Variants in NFIB observed in about 807,000 individuals in gnomAD.
NFIB encodes nuclear factor I B, also known as nuclear factor 1 B-type.
In NFIB, 11 loss-of-function variants were observed where a neutral mutation model predicts 61.5. The observed-to-expected ratio is 0.18, with a 90% CI of 0.11 to 0.30. The LOEUF (loss-of-function observed/expected upper bound fraction) is 0.30. Ranked by LOEUF, NFIB falls within the 10% of genes least tolerant of loss-of-function variation. The pLI is 1.00. For missense variants in NFIB, 471 were observed against 608.9 expected (o/e 0.77, Z 2.38); for synonymous variants, 260 against 216.5 (o/e 1.20, Z -1.76).
chr9:14,345,596 G>A (rs376868757), intron 1 of NFIB, among the ~76,000 whole-genome samples: 68 of 152,304 alleles, frequency 4.5e-4, no homozygotes, highest in South Asian at 8.3e-4. Context: ...AATCAGAGCC[G>A]TGCTTCTGCG....
intron 8 of NFIB, among the ~76,000 whole-genome samples, chr9:14,118,933 TA>T (rs2119129444): frequency 6.6e-6 from 1 of 152,062 alleles, no homozygotes; most frequent in South Asian, 2.1e-4. Context: ...ACTGAATAAT[TA>T]AAGAAATGTG....
chr9:14,379,265 G>C (rs547345919), intron 1 of NFIB, among the ~76,000 whole-genome samples: 1 of 152,320 alleles, frequency 6.6e-6, no homozygotes, highest in East Asian at 1.9e-4. Context: ...TTTAGGGAAG[G>C]ATAAAGGAAG....
chr9:14,286,640 A>T (rs576302966), intron 2 of NFIB, among the ~76,000 whole-genome samples: 3 of 152,332 alleles, frequency 2.0e-5, no homozygotes, highest in African/African-American at 7.2e-5. Flanking sequence ...AAGAAAAAAG[A>T]ACAACAAAAA....
Position 14,231,134 on chromosome 9 carries a change from AAATATATAT to A in NFIB, c.563-51363_563-51355del, listed in dbSNP as rs1158937324. 9.1e-4 allele frequency among the ~76,000 whole-genome samples: 67 copies of A among 73,992 alleles called. No individual in the cohort carries two copies. In the South Asian group the frequency reaches 0.011, roughly 12 times the overall value. 48.5% of individuals were successfully genotyped at this position (73,992 alleles called of 152,430 possible). A position where few individuals can be genotyped will look rare whatever the true frequency, so the allele number is the denominator to read the frequency against. ...TTTTCCATGGGGAAAAAAAAAAAAA[AAATATATAT>A]ATATATATATATATATATATATATT... On this transcript the variant is annotated intron_variant, in intron 2 of 10. Transcript: ENST00000380953.
At chr9:14,169,885 G>A (rs533798064) in intron 3 of NFIB, among the ~76,000 whole-genome samples, 27 of 152,268 alleles carry the variant, frequency 1.8e-4, no homozygotes, top group African/African-American at 6.0e-4. Flanking sequence ...ACCTAGATAC[G>A]CTTTCATAGT....
the NFIB span, among the ~76,000 whole-genome samples, chr9:14,451,088 T>A: frequency 6.6e-6 from 1 of 152,322 alleles, no homozygotes; most frequent in East Asian, 1.9e-4. Flanking sequence ...TGAATCCAGG[T>A]CTGCTCTAGC....
intron 2 of NFIB, among the ~76,000 whole-genome samples, chr9:14,234,356 G>T (rs2053520318): frequency 6.8e-6 from 1 of 147,552 alleles, no homozygotes; most frequent in Non-Finnish European, 1.5e-5. Flanking sequence ...GAGGCATGTA[G>T]GTATATTATC....
intron 2 of NFIB, among the ~76,000 whole-genome samples, chr9:14,257,518 G>A (rs145353245): frequency 3.5e-3 from 530 of 152,288 alleles, no homozygotes; most frequent in Non-Finnish European, 5.3e-3. Context: ...CACTTTGGGA[G>A]GCCAAGGTGG....
intron 2 of NFIB, among the ~76,000 whole-genome samples, chr9:14,273,716 T>C (rs2057787454): frequency 6.6e-6 from 1 of 152,216 alleles, no homozygotes; most frequent in African/African-American, 2.4e-5. Flanking sequence ...TTCCAGATCA[T>C]ACACAGTACA....
chr9:14,344,418 G>T (rs530225357), intron 1 of NFIB, among the ~76,000 whole-genome samples: 3 of 151,658 alleles, frequency 2.0e-5, no homozygotes, highest in East Asian at 1.9e-4. Context: ...AGAAGGGGGG[G>T]GTAGAGGGAG....
At chr9:14,268,560 C>G (rs1271549644) in intron 2 of NFIB, among the ~76,000 whole-genome samples, 1 of 152,182 alleles carries the variant, frequency 6.6e-6, no homozygotes, top group African/African-American at 2.4e-5. Flanking sequence ...TCTAACAAAA[C>G]GGTGCTCATC....
rs142655457 is a variant in NFIB at position 14,112,473 on chromosome 9, T to C, written c.1467+526A>G. On this transcript the variant is annotated intron_variant, in intron 10 of 10. Coordinates refer to ENST00000380953, the MANE Select transcript of NFIB (RefSeq NM_001190737.2). Reference sequence around the variant, plus strand: ...AAAGCAGAACCAAAAAAAAGTGTTTTATCACATCTGAAATCAGTAAACCAA... The same window carrying C: ...AAAGCAGAACCAAAAAAAAGTGTTTCATCACATCTGAAATCAGTAAACCAA... 9.2e-5 allele frequency among the ~76,000 whole-genome samples: 14 copies of C among 152,348 alleles called. No homozygotes were observed. The East Asian group carries it at 2.7e-3, about 29-fold the overall frequency.
the NFIB span, among the ~76,000 whole-genome samples, chr9:14,490,708 C>T: frequency 6.6e-6 from 1 of 152,280 alleles, no homozygotes; most frequent in Admixed American, 6.5e-5. Flanking sequence ...ATCTCAATTT[C>T]ATCAGCATTT....
chr9:14,358,440 T>C (rs774284616), intron 1 of NFIB, among the ~76,000 whole-genome samples: 6 of 152,178 alleles, frequency 3.9e-5, no homozygotes, highest in South Asian at 2.1e-4. Context: ...TTTTTTTCCA[T>C]AGGAGGAGAG....
intron 10 of NFIB, among the ~76,000 whole-genome samples, chr9:14,097,900 C>T: frequency 1.2e-5 from 1 of 82,160 alleles, no homozygotes; most frequent in South Asian, 4.9e-4. Context: ...TTTTGCCCTC[C>T]CTCTCCTGAC....
chr9:14,205,222 G>GA, intron 2 of NFIB, among the ~76,000 whole-genome samples: 1 of 62,286 alleles, frequency 1.6e-5, no homozygotes, highest in Non-Finnish European at 5.0e-5. Context: ...GAAGGGAGGG[G>GA]AGGGGAGGGG....
intron 2 of NFIB, among the ~76,000 whole-genome samples, chr9:14,214,813 G>C (rs902461591): frequency 1.5e-4 from 23 of 152,158 alleles, no homozygotes; most frequent in African/African-American, 5.3e-4. Flanking sequence ...GCTGAGAGCT[G>C]TTTATCCCAC....
In NFIB at chr9:14,188,636, G is replaced by C. The variant is rs543092767; in HGVS notation, c.563-8856C>G. On this transcript the variant is annotated intron_variant, in intron 2 of 10. Transcript: ENST00000380953. ...ATGCTGCCCATATCTTATAATATTA[G>C]ATGAACACGCCACTGCGTACTTTGA... 2.7e-4 allele frequency among the ~76,000 whole-genome samples: 41 copies of C among 152,290 alleles called. No individual in the cohort carries two copies. The South Asian group carries it at 7.3e-3, about 27-fold the overall frequency.
At chr9:14,184,100 TACC>T (rs1256034169) in intron 2 of NFIB, among the ~76,000 whole-genome samples, 4 of 150,930 alleles carry the variant, frequency 2.7e-5, no homozygotes, top group Non-Finnish European at 3.0e-5. Context: ...TATCTAAGCT[TACC>T]TAAGGAGTGA....
Sources: gnomAD v4.1 joint callset for allele counts (sites outside exome capture counted in the v4.1 genomes callset) on GRCh38, gnomAD v4.1.1 for gene constraint, MANE v1.5 for transcripts, NCBI Gene and HGNC (gene_info 2026-07-23, HGNC 2026-07-21) for gene names.